The following BMERB1 variants were observed in gnomAD, a reference collection of about 807,000 sequenced individuals.
BMERB1 encodes the protein bMERB domain containing 1.
In BMERB1, 12 loss-of-function variants were observed where a neutral mutation model predicts 23.6. The observed-to-expected ratio is 0.51, with a 90% CI of 0.33 to 0.82. The LOEUF (loss-of-function observed/expected upper bound fraction) is 0.82. Ranked by LOEUF, BMERB1 falls within the 40% of genes least tolerant of loss-of-function variation. The probability of loss-of-function intolerance (pLI) is 0.03; values close to 1 mark genes in which losing one functional copy is unlikely to be tolerated. For synonymous variants in BMERB1, 122 were observed against 96.6 expected, an observed-to-expected ratio of 1.26 and a Z score of -1.54; for missense variants, 247 against 255.4, an observed-to-expected ratio of 0.97 and a Z score of 0.22.
At chr16:15,469,885 G>GT (rs1415734564) in intron 1 of BMERB1, among the ~76,000 whole-genome samples, 2 of 152,072 alleles carry the variant, frequency 1.3e-5, no homozygotes, top group African/African-American at 2.4e-5. Context: ...TAGTTTTTTG[G>GT]TAAGTTATTG....
At chr16:15,512,006 T>G (rs777625912) in intron 1 of BMERB1, among the ~76,000 whole-genome samples, 1 of 49,618 alleles carries the variant, frequency 2.0e-5, no homozygotes, top group Admixed American at 5.2e-4. Context: ...GAGCAAGACT[T>G]GCTCTCAAAA....
At chr16:15,490,585 G>A (rs184614122) in intron 1 of BMERB1, among the ~76,000 whole-genome samples, 12 of 152,248 alleles carry the variant, frequency 7.9e-5, no homozygotes, top group African/African-American at 2.6e-4. Flanking sequence ...ACCCAGCCTC[G>A]GACTGCTACT....
chr16:15,472,364 G>A (rs570931912), intron 1 of BMERB1, among the ~76,000 whole-genome samples: 1 of 152,160 alleles, frequency 6.6e-6, no homozygotes, highest in Admixed American at 6.5e-5. Flanking sequence ...GTGATCAATT[G>A]TAACTGTAGA....
intron 1 of BMERB1, among the ~76,000 whole-genome samples, chr16:15,482,625 T>A (rs1239384534): frequency 3.3e-5 from 5 of 152,122 alleles, no homozygotes; most frequent in East Asian, 1.9e-4. Context: ...CTACCTTCAG[T>A]TTCACATCTG....
intron 1 of BMERB1, among the ~76,000 whole-genome samples, chr16:15,509,318 G>A (rs1039714186): frequency 7.1e-6 from 1 of 141,654 alleles, no homozygotes; most frequent in African/African-American, 2.8e-5. Flanking sequence ...TCACGTGGTT[G>A]TGGAGTGGAA....
chr16:15,450,935 A>G (rs752030583), intron 1 of BMERB1, among the ~76,000 whole-genome samples: 10 of 152,248 alleles, frequency 6.6e-5, no homozygotes, highest in South Asian at 2.1e-4. Context: ...GTTCCATCAT[A>G]TCGATGATCA....
intron 1 of BMERB1, among the ~76,000 whole-genome samples, chr16:15,464,476 A>G (rs2051164875): frequency 6.6e-6 from 1 of 152,150 alleles, no homozygotes. Context: ...AAAAAAGAAG[A>G]AACTAAAAAA....
At chr16:15,506,697 A>AG (rs2051595865) in intron 1 of BMERB1, among the ~76,000 whole-genome samples, 1 of 151,520 alleles carries the variant, frequency 6.6e-6, no homozygotes. Context: ...ATAATTTCCC[A>AG]GAAAAAAAAA....
At chr16:15,446,583 G>A (rs1281992912) in intron 1 of BMERB1, among the ~76,000 whole-genome samples, 1 of 152,188 alleles carries the variant, frequency 6.6e-6, no homozygotes, top group African/African-American at 2.4e-5. Flanking sequence ...CAGAGGTTAA[G>A]CAATTGGCCC....
chr16:15,526,529 T>C (rs1208252758), intron 2 of BMERB1, among the ~76,000 whole-genome samples: 1 of 151,516 alleles, frequency 6.6e-6, no homozygotes, highest in East Asian at 1.9e-4. Context: ...CTGGGTGTGG[T>C]GGTGTATGCC....
rs1393070450 is a variant in BMERB1, at chr16:15,568,047, G to A, written c.295G>A (p.Ala99Thr). The A allele has an allele frequency of 4.3e-6, 7 of 1,613,760 alleles. No homozygotes were observed. Among genetic ancestry groups the A allele is most frequent in the Middle Eastern group, 1.7e-4 (1 of 6,046 alleles). ...DLKQELQNLV[A>T]IPEKEKTKLQ... ...GAAGCAGGAGCTGCAGAACTTGGTCGCCATCCCAGGTAACCATTTGCAACT... is the reference window on the plus strand; with the variant it reads ...GAAGCAGGAGCTGCAGAACTTGGTCACCATCCCAGGTAACCATTTGCAACT... The change falls in exon 3 of 6, where the codon GCC becomes ACC. Residue 99 changes from alanine to threonine, a missense_variant. Physicochemically the swap from Ala to Thr is moderately conservative, Grantham distance 58. Coordinates refer to ENST00000300006, the MANE Select transcript of BMERB1 (RefSeq NM_033201.3).
At chr16:15,518,816 G>A (rs1293811860) in intron 2 of BMERB1, among the ~76,000 whole-genome samples, 2 of 151,556 alleles carry the variant, frequency 1.3e-5, no homozygotes, top group East Asian at 1.9e-4. Flanking sequence ...AGAAGGGAGG[G>A]GGAGAGGGAG....
chr16:15,493,697 C>T (rs755672330), intron 1 of BMERB1, among the ~76,000 whole-genome samples: 12 of 151,880 alleles, frequency 7.9e-5, no homozygotes, highest in African/African-American at 1.9e-4. Context: ...CTGCGTCCCC[C>T]CTCCGCAGAC....
At chr16:15,452,922 G>A (rs1226963621) in intron 1 of BMERB1, among the ~76,000 whole-genome samples, 1 of 152,182 alleles carries the variant, frequency 6.6e-6, no homozygotes, top group Non-Finnish European at 1.5e-5. Context: ...TATCATGAGA[G>A]AAAGAACAAT....
intron 1 of BMERB1, among the ~76,000 whole-genome samples, chr16:15,453,453 C>G (rs1341341132): frequency 4.6e-5 from 7 of 152,006 alleles, no homozygotes; most frequent in Admixed American, 2.0e-4. Context: ...TGGTGTACCT[C>G]TAATTCTATT....
intron 1 of BMERB1, among the ~76,000 whole-genome samples, chr16:15,445,760 C>T (rs961999375): frequency 9.2e-5 from 14 of 152,098 alleles, no homozygotes; most frequent in African/African-American, 2.7e-4. Flanking sequence ...AGGACCCAGA[C>T]GGTGCACTTC....
At chr16:15,477,637 A>G (rs2051285389) in intron 1 of BMERB1, among the ~76,000 whole-genome samples, 1 of 152,176 alleles carries the variant, frequency 6.6e-6, no homozygotes, top group South Asian at 2.1e-4. Context: ...GCTTAAAAAC[A>G]AAAATGAATA....
intron 1 of BMERB1, among the ~76,000 whole-genome samples, chr16:15,491,516 A>G (rs971280437): frequency 2.0e-5 from 3 of 152,184 alleles, no homozygotes; most frequent in Non-Finnish European, 2.9e-5. Context: ...AATACCATCA[A>G]TAGGTTGACC....
intron 1 of BMERB1, among the ~76,000 whole-genome samples, chr16:15,511,606 C>CG (rs2051666324): frequency 6.6e-6 from 1 of 152,140 alleles, no homozygotes; most frequent in Non-Finnish European, 1.5e-5. Context: ...ATGCTGAACT[C>CG]AAAGAGGAGA....
Sources: gnomAD v4.1 joint callset for allele counts (sites outside exome capture counted in the v4.1 genomes callset) on GRCh38, gnomAD v4.1.1 for gene constraint, MANE v1.5 for transcripts, NCBI Gene and HGNC (gene_info 2026-07-23, HGNC 2026-07-21) for gene names.